The following CDH13 variants were observed in gnomAD, a reference collection of about 807,000 sequenced individuals.
The protein encoded by CDH13 is cadherin 13, also known as cadherin-13.
CDH13 carries 24 observed loss-of-function variants against 63.8 expected under a neutral mutation model. The observed-to-expected ratio is 0.38, with a 90% CI of 0.27 to 0.53. CDH13 has a LOEUF of 0.53. CDH13 is among the 20% of genes least tolerant of loss of function. CDH13 has a pLI of 0.85. For missense variants in CDH13, 1,049 were observed against 903.1 expected, an observed-to-expected ratio of 1.16 and a Z score of -2.07; for synonymous variants, 503 against 355.3, an observed-to-expected ratio of 1.42 and a Z score of -4.67.
intron 1 of CDH13, among the ~76,000 whole-genome samples, chr16:82,716,353 G>C (rs1354241282): frequency 6.6e-6 from 1 of 152,046 alleles, no homozygotes; most frequent in Non-Finnish European, 1.5e-5. Context: ...TGCAGAGAGA[G>C]AGAGACAAAC....
At chr16:83,655,459 G>C (rs1261729266) in intron 8 of CDH13, among the ~76,000 whole-genome samples, 2 of 152,318 alleles carry the variant, frequency 1.3e-5, no homozygotes, top group African/African-American at 4.8e-5. Flanking sequence ...GGCCCGAATG[G>C]CAAGATGGTG....
At chr16:83,335,087 C>T (rs370566744) in intron 5 of CDH13, among the ~76,000 whole-genome samples, 2 of 152,188 alleles carry the variant, frequency 1.3e-5, no homozygotes, top group South Asian at 2.1e-4. Context: ...TCCAATCACA[C>T]TCTACCTTGC....
intron 2 of CDH13, among the ~76,000 whole-genome samples, chr16:82,916,550 G>A (rs1358385017): frequency 6.6e-6 from 1 of 150,878 alleles, no homozygotes; most frequent in Non-Finnish European, 1.5e-5. Context: ...CTCCAGCCTG[G>A]GTGACAGGGT....
At chr16:82,997,612 AACAAGCCTGAG>A (rs1912391789) in intron 2 of CDH13, among the ~76,000 whole-genome samples, 1 of 152,150 alleles carries the variant, frequency 6.6e-6, no homozygotes, top group Admixed American at 6.5e-5. Flanking sequence ...TACTTGATGA[AACAAGCCTGAG>A]CCCAGGTTGT....
intron 6 of CDH13, among the ~76,000 whole-genome samples, chr16:83,381,050 A>C (rs12921789): frequency 0.13 from 19,724 of 152,034 alleles, 1,373 homozygotes; most frequent in African/African-American, 0.16. Flanking sequence ...TATTGATCTT[A>C]AAGTTTTAAT....
rs2039842557 is a variant in CDH13 at position 83,226,460 on chromosome 16, T to C, written c.636+8963T>C. On this transcript the variant is annotated intron_variant, in intron 5 of 13. Coordinates refer to ENST00000567109, the MANE Select transcript of CDH13 (RefSeq NM_001257.5). ...GGTGGGAGAACCCCACATTCCTTAA[T>C]TTTCTCTTCTCCACCCCCACACTGG... Among the ~76,000 whole-genome samples the C allele has an allele frequency of 2.6e-5, 4 of 152,300 alleles. No homozygotes were observed. In the South Asian group the frequency reaches 8.3e-4, roughly 32 times the overall value.
At chr16:83,533,944 G>T (rs993817596) in intron 7 of CDH13, among the ~76,000 whole-genome samples, 1 of 152,126 alleles carries the variant, frequency 6.6e-6, no homozygotes, top group African/African-American at 2.4e-5. Flanking sequence ...TAAAAATCTA[G>T]TTGGACTTAT....
At chr16:82,908,092 A>T (rs2041707104) in intron 2 of CDH13, among the ~76,000 whole-genome samples, 2 of 152,186 alleles carry the variant, frequency 1.3e-5, no homozygotes, top group South Asian at 4.2e-4. Flanking sequence ...TTATTGGACC[A>T]CACTATCCTT....
chr16:82,712,865 G>C (rs60244936), intron 1 of CDH13, among the ~76,000 whole-genome samples: 1 of 151,884 alleles, frequency 6.6e-6, no homozygotes, highest in Admixed American at 6.6e-5. Context: ...TTAACTCTCC[G>C]CTCTCTGGGG....
At chr16:82,951,787 A>G (rs1400153794) in intron 2 of CDH13, among the ~76,000 whole-genome samples, 1 of 152,200 alleles carries the variant, frequency 6.6e-6, no homozygotes, top group Non-Finnish European at 1.5e-5. Context: ...TCAAGGACAT[A>G]AATTCACACA....
At chr16:83,589,286 C>CCA (rs1906501183) in intron 7 of CDH13, among the ~76,000 whole-genome samples, 1 of 129,848 alleles carries the variant, frequency 7.7e-6, no homozygotes, top group Non-Finnish European at 1.7e-5. Context: ...TTTCCCCCCC[C>CCA]CGGACCCCTC....
intron 3 of CDH13, among the ~76,000 whole-genome samples, chr16:83,080,871 G>GTTTTTTTTTTTTTTGTTTTTTTT (rs2033186496): frequency 2.1e-5 from 1 of 46,956 alleles, no homozygotes; most frequent in African/African-American, 9.2e-5. Flanking sequence ...TTGTTTTTGT[G>GTTTTTTTTTTTTTTGTTTTTTTT]TTTTTTTTTT....
chr16:83,217,384 C>A lies in CDH13; in HGVS notation c.523C>A (p.Leu175Ile), dbSNP rs766936136. ...SDRPERSKFR[L>I]TGKGVDQEPK... ...CAGGCCAGAAAGGTCCAAGTTCCGGCTCACTGGAAAGGGAGTGGATCAAGA... is the reference window on the plus strand; with the variant it reads ...CAGGCCAGAAAGGTCCAAGTTCCGGATCACTGGAAAGGGAGTGGATCAAGA... The change falls in exon 5 of 14, where the codon CTC (leucine) becomes ATC (isoleucine). Residue 175 changes from leucine to isoleucine, a missense_variant. Coordinates refer to ENST00000567109, the MANE Select transcript of CDH13 (RefSeq NM_001257.5). 4.3e-6 allele frequency: 7 copies of A among 1,613,752 alleles called. No individual in the cohort carries two copies. The highest frequency in any genetic ancestry group is 5.9e-6 in the Non-Finnish European group (7 of 1,179,814).
chr16:83,509,533 A>T (rs1219278199), intron 7 of CDH13, among the ~76,000 whole-genome samples: 3 of 152,218 alleles, frequency 2.0e-5, no homozygotes, highest in African/African-American at 4.8e-5. Context: ...ACAAAAGCAG[A>T]TGGTGGGCCA....
chr16:83,635,873 T>C (rs1316360266), intron 8 of CDH13, among the ~76,000 whole-genome samples: 3 of 152,214 alleles, frequency 2.0e-5, no homozygotes, highest in Non-Finnish European at 4.4e-5. Context: ...CTAGGAATTC[T>C]TTGCCTAGCC....
intron 6 of CDH13, among the ~76,000 whole-genome samples, chr16:83,415,249 A>G (rs936979997): frequency 3.9e-5 from 6 of 152,182 alleles, no homozygotes; most frequent in African/African-American, 1.2e-4. Context: ...GAAAGTCCGA[A>G]CGGACCCATA....
intron 4 of CDH13, among the ~76,000 whole-genome samples, chr16:83,184,171 G>GA (rs1462039594): frequency 6.9e-6 from 1 of 144,782 alleles, no homozygotes; most frequent in Non-Finnish European, 1.5e-5. Flanking sequence ...TCAGAACAAT[G>GA]AATAGCTGTT....
intron 1 of CDH13, among the ~76,000 whole-genome samples, chr16:82,642,438 T>C (rs527737030): frequency 6.6e-6 from 1 of 152,338 alleles, no homozygotes; most frequent in African/African-American, 2.4e-5. Context: ...ATAAAGAATA[T>C]ATGCAAGATA....
intron 11 of CDH13, among the ~76,000 whole-genome samples, chr16:83,757,610 T>C (rs770022891): frequency 2.6e-5 from 4 of 151,572 alleles, no homozygotes; most frequent in Non-Finnish European, 5.9e-5. Flanking sequence ...AATCAACAAA[T>C]CCAAAAGTTT....
Sources: allele counts gnomAD v4.1 joint callset (sites outside exome capture counted in the v4.1 genomes callset), GRCh38; gene constraint gnomAD v4.1.1; transcripts MANE v1.5; gene names NCBI Gene and HGNC (gene_info 2026-07-23, HGNC 2026-07-21).